The following GUCA1C variants were observed in gnomAD, a reference collection of about 807,000 sequenced individuals.
GUCA1C encodes guanylate cyclase activator 1C, also known as guanylyl cyclase-activating protein 3.
Under a neutral mutation model 16.2 loss-of-function variants are expected in GUCA1C, and 15 were observed. That is an observed-to-expected ratio of 0.93 (90% CI 0.62 to 1.43). The LOEUF (loss-of-function observed/expected upper bound fraction) is 1.43, where lower values mean the gene tolerates loss of function less well. Ranked by LOEUF, GUCA1C falls within the 40% of genes most tolerant of loss-of-function variation. The pLI is 0.00. For missense variants in GUCA1C, 275 were observed against 244.8 expected, an observed-to-expected ratio of 1.12 and a Z score of -0.82; for synonymous variants, 78 against 85.4, an observed-to-expected ratio of 0.91 and a Z score of 0.48.
intron 1 of GUCA1C, among the ~76,000 whole-genome samples, chr3:108,923,499 T>A (rs2593962): frequency 0.74 from 112,686 of 152,108 alleles, 42,390 homozygotes; most frequent in Non-Finnish European, 0.78. Flanking sequence ...TACTCTGTTC[T>A]ATTTGTCTAT....
intron 1 of GUCA1C, among the ~76,000 whole-genome samples, chr3:108,927,055 A>AC (rs1946629319): frequency 6.6e-6 from 1 of 152,060 alleles, no homozygotes; most frequent in East Asian, 1.9e-4. Context: ...CAAAAATAGG[A>AC]CCCCAATCCC....
At chr3:108,921,633 A>T (rs1029359065) in intron 1 of GUCA1C, among the ~76,000 whole-genome samples, 1 of 152,130 alleles carries the variant, frequency 6.6e-6, no homozygotes, top group Non-Finnish European at 1.5e-5. Context: ...TGGCCATTCT[A>T]ATAGGTGTGT....
In GUCA1C at chr3:108,937,503, G is replaced by C. The variant is rs569236472; in HGVS notation, c.204+16056C>G. On this transcript the variant is annotated intron_variant, in intron 1 of 3. Transcript: ENST00000261047. Reference sequence around the variant, plus strand: ...TGAGTAATGTCATTAAGGGAACTTGGCTTGATTTCATTGCTTCAAATCTTA... The same window carrying C: ...TGAGTAATGTCATTAAGGGAACTTGCCTTGATTTCATTGCTTCAAATCTTA... 5.3e-5 allele frequency among the ~76,000 whole-genome samples: 8 copies of C among 152,306 alleles called. No individual in the cohort carries two copies. The South Asian group carries it at 1.7e-3, about 32-fold the overall frequency.
intron 1 of GUCA1C, among the ~76,000 whole-genome samples, chr3:108,939,567 T>C (rs911146014): frequency 6.6e-6 from 1 of 151,734 alleles, no homozygotes; most frequent in African/African-American, 2.4e-5. Flanking sequence ...CCTCAGGTGA[T>C]CCACCAGCCT....
chr3:108,944,121 A>G (rs563868655), intron 1 of GUCA1C, among the ~76,000 whole-genome samples: 3 of 152,346 alleles, frequency 2.0e-5, no homozygotes, highest in East Asian at 1.9e-4. Context: ...ACTCCAATTA[A>G]GCACTAAGTT....
chr3:108,925,112 T>C (rs1425597821), intron 1 of GUCA1C, among the ~76,000 whole-genome samples: 1 of 152,054 alleles, frequency 6.6e-6, no homozygotes, highest in Admixed American at 6.5e-5. Context: ...TGTATTTTTT[T>C]TTTTGTTTCA....
chr3:108,912,419 A>G (rs1225738337), intron 3 of GUCA1C, among the ~76,000 whole-genome samples: 5 of 152,016 alleles, frequency 3.3e-5, no homozygotes, highest in Non-Finnish European at 7.4e-5. Flanking sequence ...TCATTTTTGA[A>G]TAATATTGAA....
chr3:108,944,277 T>A (rs896928152), intron 1 of GUCA1C, among the ~76,000 whole-genome samples: 1 of 152,146 alleles, frequency 6.6e-6, no homozygotes, highest in Non-Finnish European at 1.5e-5. Context: ...CTGATAGGAA[T>A]AATTTCAAGG....
Position 108,953,726 on chromosome 3 carries a change from C to T in GUCA1C, c.37G>A (p.Ala13Thr), listed in dbSNP as rs140313366. The change falls in exon 1 of 4, where the codon GCA (alanine) becomes ACA (threonine). Residue 13 changes from alanine (A) to threonine (T), a missense_variant. Coordinates refer to ENST00000261047, the MANE Select transcript of GUCA1C (RefSeq NM_005459.4). The stretch of plus-strand genomic sequence containing the variant: ...ACATGGGTCTCTTGTGTAGGAACTG[C>T]TTTCTGATCACCAGCTATAGATTTG... ...NGKSIAGDQK[A>T]VPTQETHVWY... is the part of the protein sequence containing the mutation. 7.7e-4 allele frequency: 1,247 copies of T among 1,613,372 alleles called. 1 individual carries two copies. Among genetic ancestry groups the T allele is most frequent in the Non-Finnish European group, 9.9e-4 (1,172 of 1,179,312 alleles).
At chr3:108,920,947 A>G (rs1946564509) in intron 1 of GUCA1C, among the ~76,000 whole-genome samples, 1 of 152,156 alleles carries the variant, frequency 6.6e-6, no homozygotes, top group Non-Finnish European at 1.5e-5. Context: ...ACACATCATC[A>G]TCACCCAAAG....
chr3:108,952,804 T>A (rs941294269), intron 1 of GUCA1C, among the ~76,000 whole-genome samples: 3 of 152,086 alleles, frequency 2.0e-5, no homozygotes, highest in African/African-American at 7.2e-5. Flanking sequence ...ATAACCAAAA[T>A]AAACAAGTAA....
At chr3:108,919,111 C>T (rs1329555470) in intron 2 of GUCA1C, among the ~76,000 whole-genome samples, 1 of 152,064 alleles carries the variant, frequency 6.6e-6, no homozygotes, top group Non-Finnish European at 1.5e-5. Context: ...CATGCTCTTA[C>T]CAGAATTTGC....
intron 1 of GUCA1C, among the ~76,000 whole-genome samples, chr3:108,925,980 G>A (rs527700853): frequency 1.8e-4 from 27 of 152,194 alleles, no homozygotes; most frequent in African/African-American, 5.5e-4. Context: ...CCAGCTACAC[G>A]GGAGGCTGAG....
chr3:108,947,180 T>A (rs1424511477), intron 1 of GUCA1C, among the ~76,000 whole-genome samples: 2 of 152,328 alleles, frequency 1.3e-5, no homozygotes, highest in East Asian at 3.9e-4. Flanking sequence ...GTTTCTATGT[T>A]ATGTATACTG....
intron 1 of GUCA1C, among the ~76,000 whole-genome samples, chr3:108,946,595 A>G (rs1190695487): frequency 6.6e-6 from 1 of 152,204 alleles, no homozygotes; most frequent in Non-Finnish European, 1.5e-5. Context: ...ATGTGCCTGT[A>G]AAGTATTCTT....
intron 1 of GUCA1C, among the ~76,000 whole-genome samples, chr3:108,938,672 G>A (rs1946753675): frequency 6.6e-6 from 1 of 152,210 alleles, no homozygotes; most frequent in Admixed American, 6.5e-5. Flanking sequence ...TGGAATTGCT[G>A]GAACGTCCTG....
At chr3:108,920,935 T>C (rs1946564332) in intron 1 of GUCA1C, among the ~76,000 whole-genome samples, 1 of 152,192 alleles carries the variant, frequency 6.6e-6, no homozygotes, top group Non-Finnish European at 1.5e-5. Flanking sequence ...GAACCTACAC[T>C]GACACATCAT....
chr3:108,939,324 CTTTT>C (rs549981150), intron 1 of GUCA1C, among the ~76,000 whole-genome samples: 47 of 32,900 alleles, frequency 1.4e-3, no homozygotes, highest in East Asian at 2.2e-3. Flanking sequence ...TGCTTCAAGG[CTTTT>C]TTTTTTTTTT....
chr3:108,915,994 G>C lies in GUCA1C; in HGVS notation c.442+133C>G, dbSNP rs557380308. The C allele has an allele frequency of 8.8e-6, 8 of 910,146 alleles. No homozygotes were observed. In the Admixed American group the frequency reaches 2.0e-4, roughly 22 times the overall value. 56.4% of individuals were successfully genotyped at this position (910,146 alleles called of 1,614,324 possible). A position where few individuals can be genotyped will look rare whatever the true frequency, so the allele number is the denominator to read the frequency against. On this transcript the variant is annotated intron_variant, in intron 3 of 3. Coordinates refer to ENST00000261047, the MANE Select transcript of GUCA1C (RefSeq NM_005459.4). ...TGAATCATACTGAGAACATTGGATT[G>C]GTCCCATTATGAAGCCTAAGTCACA... is the stretch of plus-strand genomic sequence containing the variant.
Sources: gnomAD v4.1 joint callset for allele counts (sites outside exome capture counted in the v4.1 genomes callset) on GRCh38, gnomAD v4.1.1 for gene constraint, MANE v1.5 for transcripts, NCBI Gene and HGNC (gene_info 2026-07-23, HGNC 2026-07-21) for gene names.